TTC28: variants seen among roughly 807,000 people sequenced by gnomAD.
TTC28 encodes the protein tetratricopeptide repeat protein 28.
TTC28 carries 61 observed loss-of-function variants against 198.0 expected under a neutral mutation model. That is an observed-to-expected ratio of 0.31 (90% CI 0.25 to 0.38). TTC28 has a LOEUF of 0.38. Ranked by LOEUF, TTC28 falls within the 10% of genes least tolerant of loss-of-function variation. TTC28 has a pLI of 1.00. For synonymous variants in TTC28, 1,171 were observed against 1,297.8 expected (o/e 0.90, Z 2.10); for missense variants, 2,678 against 3,164.0 (o/e 0.85, Z 3.69).
chr22:28,579,189 T>C (rs1318000881), intron 2 of TTC28, among the ~76,000 whole-genome samples: 1 of 151,004 alleles, frequency 6.6e-6, no homozygotes, highest in Non-Finnish European at 1.5e-5. Context: ...TAGTTATATA[T>C]ACATACATTA....
intron 2 of TTC28, among the ~76,000 whole-genome samples, chr22:28,550,923 C>A (rs1019195313): frequency 1.3e-5 from 2 of 151,924 alleles, no homozygotes; most frequent in Admixed American, 1.3e-4. Context: ...TTATATCAGA[C>A]AAACCAAACT....
intron 5 of TTC28, among the ~76,000 whole-genome samples, chr22:28,240,525 C>T (rs376879989): frequency 6.6e-6 from 1 of 152,216 alleles, no homozygotes; most frequent in South Asian, 2.1e-4. Flanking sequence ...CTGTATACAT[C>T]TATATACACA....
intron 2 of TTC28, among the ~76,000 whole-genome samples, chr22:28,391,184 G>A (rs2046712983): frequency 6.6e-6 from 1 of 152,132 alleles, no homozygotes. Flanking sequence ...CTCTCTTCTG[G>A]CTTGTAGAGT....
intron 2 of TTC28, among the ~76,000 whole-genome samples, chr22:28,492,828 TAATG>T (rs761231067): frequency 9.2e-5 from 14 of 152,178 alleles, no homozygotes; most frequent in Non-Finnish European, 1.3e-4. Context: ...AAAATTCCTC[TAATG>T]AATAGTTGAT....
At chr22:28,203,951 A>C (rs931661000) in intron 5 of TTC28, among the ~76,000 whole-genome samples, 4 of 152,176 alleles carry the variant, frequency 2.6e-5, no homozygotes, top group Non-Finnish European at 4.4e-5. Flanking sequence ...AAGCAAAAGA[A>C]AATATGTTTA....
At chr22:28,635,856 T>C (rs543689747) in intron 1 of TTC28, among the ~76,000 whole-genome samples, 122 of 152,228 alleles carry the variant, frequency 8.0e-4, no homozygotes, top group Non-Finnish European at 1.5e-3. Flanking sequence ...ATTTCAAGTA[T>C]ATAATATATT....
chr22:28,655,767 C>T (rs1168568225), intron 1 of TTC28, among the ~76,000 whole-genome samples: 2 of 151,144 alleles, frequency 1.3e-5, no homozygotes, highest in Admixed American at 6.6e-5. Flanking sequence ...AGGAGAATGG[C>T]GTGAACCCGG....
chr22:27,998,383 GAAGC>G, intron 16 of TTC28, 153 bp downstream of exon 16: 6 of 1,258,120 alleles, frequency 4.8e-6, no homozygotes, highest in Non-Finnish European at 6.4e-6. Flanking sequence ...TCATTTGGCA[GAAGC>G]AAGACTCAGC....
intron 1 of TTC28, among the ~76,000 whole-genome samples, chr22:28,673,132 T>C (rs964708276): frequency 6.6e-6 from 1 of 152,132 alleles, no homozygotes; most frequent in Non-Finnish European, 1.5e-5. Flanking sequence ...CCCAGCACTT[T>C]GGGAGGCTGA....
chr22:28,326,578 G>C (rs2045533072), intron 2 of TTC28, among the ~76,000 whole-genome samples: 1 of 152,118 alleles, frequency 6.6e-6, no homozygotes, highest in South Asian at 2.1e-4. Flanking sequence ...TTCACTAAAT[G>C]AGTCAGTTAA....
chr22:28,491,913 C>T (rs1291745169), intron 2 of TTC28, among the ~76,000 whole-genome samples: 10 of 152,060 alleles, frequency 6.6e-5, no homozygotes, highest in South Asian at 4.2e-4. Context: ...ATATACACCA[C>T]GGAATATTAT....
intron 2 of TTC28, among the ~76,000 whole-genome samples, chr22:28,486,880 G>C (rs1009676255): frequency 6.6e-6 from 1 of 152,128 alleles, no homozygotes; most frequent in Non-Finnish European, 1.5e-5. Context: ...AAAGCATCTG[G>C]CTCTTTCCTT....
chr22:28,013,380 TC>T (rs1209296235), intron 14 of TTC28, among the ~76,000 whole-genome samples: 1 of 152,204 alleles, frequency 6.6e-6, no homozygotes, highest in African/African-American at 2.4e-5. Context: ...TTTGCGAAGA[TC>T]CTGAGCCCTC....
chr22:28,032,187 TAAAATA>T (rs1198649590), intron 12 of TTC28, among the ~76,000 whole-genome samples: 2 of 72,888 alleles, frequency 2.7e-5, no homozygotes, highest in African/African-American at 1.2e-4. Context: ...TATATATATA[TAAAATA>T]TATATATATA....
At chr22:28,248,444 G>C (rs1930267843) in intron 5 of TTC28, among the ~76,000 whole-genome samples, 1 of 152,096 alleles carries the variant, frequency 6.6e-6, no homozygotes, top group African/African-American at 2.4e-5. Flanking sequence ...ATTTAAAACA[G>C]AATACAATTC....
chr22:28,072,755 G>A (rs1266747716), intron 12 of TTC28, among the ~76,000 whole-genome samples: 1 of 152,214 alleles, frequency 6.6e-6, no homozygotes, highest in Non-Finnish European at 1.5e-5. Context: ...AAGCTTACTA[G>A]AATGTGCATG....
chr22:28,249,104 G>A (rs762683780), intron 5 of TTC28, among the ~76,000 whole-genome samples: 1 of 151,980 alleles, frequency 6.6e-6, no homozygotes, highest in Non-Finnish European at 1.5e-5. Flanking sequence ...AAGACAAAGC[G>A]AGTACCATAA....
In TTC28 at chr22:28,335,116, T is replaced by C. The variant is rs184215925; in HGVS notation, c.382-28473A>G. Among the ~76,000 whole-genome samples the C allele has an allele frequency of 5.1e-3, 784 of 152,352 alleles. 5 individuals are homozygous for C. The highest frequency in any genetic ancestry group is 0.01 in the Middle Eastern group (3 of 294). ...GCACCATTTATTAAATAGGGAATCC[T>C]TTCCCCATTGCTTGTTTTTGTCAGG... On this transcript the variant is annotated intron_variant, in intron 2 of 22. Coordinates refer to ENST00000397906, the MANE Select transcript of TTC28 (RefSeq NM_001145418.2).
At chr22:28,088,506 A>G (rs920206239) in intron 12 of TTC28, among the ~76,000 whole-genome samples, 2 of 152,228 alleles carry the variant, frequency 1.3e-5, no homozygotes, top group Non-Finnish European at 2.9e-5. Flanking sequence ...TTATACAAAA[A>G]TTAATTCAAG....
Sources: allele counts gnomAD v4.1 joint callset (sites outside exome capture counted in the v4.1 genomes callset), GRCh38; gene constraint gnomAD v4.1.1; transcripts MANE v1.5; gene names NCBI Gene and HGNC (gene_info 2026-07-23, HGNC 2026-07-21).